Variants in DNM3 observed in about 807,000 individuals in gnomAD.
DNM3 encodes dynamin-3.
DNM3 carries 47 observed loss-of-function variants against 101.6 expected under a neutral mutation model. That is an observed-to-expected ratio of 0.46 (90% CI 0.37 to 0.59). The LOEUF (loss-of-function observed/expected upper bound fraction) is 0.59, where lower values mean the gene tolerates loss of function less well. Among genes scored for constraint, DNM3 ranks in the 20% least tolerant of loss-of-function variants. DNM3 has a pLI of 0.00. For missense variants in DNM3, 849 were observed against 1,085.7 expected (o/e 0.78, Z 3.06); for synonymous variants, 385 against 387.9 (o/e 0.99, Z 0.09).
At chr1:171,994,146 G>A (rs1006115895) in intron 4 of DNM3, among the ~76,000 whole-genome samples, 1 of 151,852 alleles carries the variant, frequency 6.6e-6, no homozygotes, top group Non-Finnish European at 1.5e-5. Context: ...TTTTGGGTGG[G>A]CCATACTTTC....
chr1:172,098,360 G>A (rs2054394851), intron 13 of DNM3, among the ~76,000 whole-genome samples: 1 of 152,188 alleles, frequency 6.6e-6, no homozygotes, highest in Non-Finnish European at 1.5e-5. Context: ...AGAGAAATAT[G>A]GCTCTGTTCT....
In DNM3 at chr1:172,323,348, A is replaced by ATT; in HGVS notation, c.1893+10_1893+11dup. The ATT allele has an allele frequency of 6.2e-7, 1 of 1,606,374 alleles. No individual in the cohort carries two copies. The highest frequency in any genetic ancestry group is 8.5e-7 in the Non-Finnish European group (1 of 1,176,222). On this transcript the variant is annotated intron_variant, in intron 17 of 20. Transcript: ENST00000627582. ...GCATAGGGGAACAACAAAGTAAGTT[A>ATT]TTTGTCCTCTTGCAGCTCTTCTGTC...
At chr1:171,897,909 G>C (rs1312262778) in intron 1 of DNM3, among the ~76,000 whole-genome samples, 2 of 145,754 alleles carry the variant, frequency 1.4e-5, no homozygotes, top group African/African-American at 2.4e-5. Flanking sequence ...CAAGTTTCTA[G>C]GTCTGCGGTT....
At chr1:171,910,437 T>C (rs925716518) in intron 1 of DNM3, among the ~76,000 whole-genome samples, 2 of 152,230 alleles carry the variant, frequency 1.3e-5, no homozygotes, top group Non-Finnish European at 2.9e-5. Flanking sequence ...ACTATCTGCC[T>C]GTTAGTATTA....
intron 14 of DNM3, among the ~76,000 whole-genome samples, chr1:172,145,625 T>C (rs2057851464): frequency 6.6e-6 from 1 of 152,170 alleles, no homozygotes; most frequent in Non-Finnish European, 1.5e-5. Flanking sequence ...GCTGGGTCTC[T>C]GAATGCTGTG....
chr1:172,328,498 G>A lies in DNM3; in HGVS notation c.1893+5158G>A, dbSNP rs769911562. ...AGCAACATGGATGGAGCTGGAGGCC[G>A]TTATTCTAAGTGAATTAATGCAGTA... On this transcript the variant is annotated intron_variant, in intron 17 of 20. Coordinates refer to ENST00000627582, the MANE Select transcript of DNM3 (RefSeq NM_015569.5). 8.5e-5 allele frequency among the ~76,000 whole-genome samples: 13 copies of A among 152,300 alleles called. No individual in the cohort carries two copies. In the East Asian group the frequency reaches 1.5e-3, roughly 18 times the overall value.
At chr1:172,170,853 T>C (rs1173375936) in intron 14 of DNM3, among the ~76,000 whole-genome samples, 1 of 151,688 alleles carries the variant, frequency 6.6e-6, no homozygotes, top group Non-Finnish European at 1.5e-5. Context: ...AGAAGAAAAA[T>C]TGCATTTCTG....
chr1:172,231,579 A>G (rs894576911), intron 14 of DNM3, among the ~76,000 whole-genome samples: 24 of 152,192 alleles, frequency 1.6e-4, no homozygotes, highest in African/African-American at 5.5e-4. Context: ...CAGCAATGGA[A>G]CAAAGCTGGA....
At chr1:171,887,686 G>A (rs1301802802) in intron 1 of DNM3, among the ~76,000 whole-genome samples, 1 of 151,886 alleles carries the variant, frequency 6.6e-6, no homozygotes, top group Admixed American at 6.6e-5. Context: ...AAAAATCTCT[G>A]CTGTATTTTA....
At position 172,072,835 on chromosome 1, in the gene DNM3, T is replaced by A. The variant is rs568188510; in HGVS notation, c.1422+3930T>A. ...CCAGGAGGCGGAGGTTGCAGTGAGC[T>A]GAGATTGCACCATTGCACTCCAGCC... On this transcript the variant is annotated intron_variant, in intron 11 of 20. Coordinates refer to ENST00000627582, the MANE Select transcript of DNM3 (RefSeq NM_015569.5). Among the ~76,000 whole-genome samples the A allele has an allele frequency of 7.2e-5, 11 of 152,240 alleles. No individual in the cohort carries two copies. In the South Asian group the frequency reaches 2.3e-3, roughly 32 times the overall value.
At chr1:171,857,392 T>A (rs1329187221) in intron 1 of DNM3, among the ~76,000 whole-genome samples, 1 of 151,992 alleles carries the variant, frequency 6.6e-6, no homozygotes, top group African/African-American at 2.4e-5. Context: ...AGAGAGGGAA[T>A]AAAAAATAAT....
At chr1:172,373,956 T>C (rs544995334) in intron 17 of DNM3, among the ~76,000 whole-genome samples, 1 of 152,182 alleles carries the variant, frequency 6.6e-6, no homozygotes, top group Admixed American at 6.6e-5. Flanking sequence ...TCCTTTAAAT[T>C]TTAATTTATT....
chr1:172,166,502 C>T (rs1469828819), intron 14 of DNM3, among the ~76,000 whole-genome samples: 4 of 152,006 alleles, frequency 2.6e-5, no homozygotes, highest in Non-Finnish European at 5.9e-5. Context: ...AACAAATGTG[C>T]ACTGCCAATT....
intron 13 of DNM3, among the ~76,000 whole-genome samples, chr1:172,106,503 C>G (rs753278908): frequency 6.6e-6 from 1 of 151,956 alleles, no homozygotes; most frequent in Non-Finnish European, 1.5e-5. Flanking sequence ...GGTTTAGTAC[C>G]TAGGTGATGA....
At chr1:172,335,941 A>G (rs1443412504) in intron 17 of DNM3, among the ~76,000 whole-genome samples, 1 of 152,190 alleles carries the variant, frequency 6.6e-6, no homozygotes, top group African/African-American at 2.4e-5. Flanking sequence ...CTGAATCCAA[A>G]ATAAAAGTTG....
intron 20 of DNM3, among the ~76,000 whole-genome samples, chr1:172,404,115 G>A (rs1436590394): frequency 1.3e-5 from 2 of 152,088 alleles, no homozygotes; most frequent in Non-Finnish European, 2.9e-5. Flanking sequence ...GCAAGGTTTA[G>A]TGAGGAGCTC....
intron 12 of DNM3, among the ~76,000 whole-genome samples, chr1:172,087,383 T>A (rs556790206): frequency 3.3e-5 from 5 of 152,168 alleles, no homozygotes; most frequent in African/African-American, 1.2e-4. Flanking sequence ...AGTTGCCAAC[T>A]TTATCTGATG....
intron 14 of DNM3, among the ~76,000 whole-genome samples, chr1:172,206,594 C>CT (rs1409883003): frequency 6.6e-6 from 1 of 152,098 alleles, no homozygotes; most frequent in African/African-American, 2.4e-5. Context: ...TTTGGTGCCA[C>CT]TGCTGTCTTG....
chr1:172,131,456 G>T (rs2421986), intron 14 of DNM3, among the ~76,000 whole-genome samples, 168 bp downstream of exon 14: 51,837 of 152,010 alleles, frequency 0.34, 11,901 homozygotes, highest in East Asian at 0.65. Flanking sequence ...AGATTTTAAA[G>T]TTTACAATAT....
Sources: allele counts gnomAD v4.1 joint callset (sites outside exome capture counted in the v4.1 genomes callset), GRCh38; gene constraint gnomAD v4.1.1; transcripts MANE v1.5; gene names NCBI Gene and HGNC (gene_info 2026-07-23, HGNC 2026-07-21).